The following SAMD3 variants were observed in gnomAD, a reference collection of about 807,000 sequenced individuals.
SAMD3 encodes sterile alpha motif domain containing 3, also known as sterile alpha motif domain-containing protein 3.
In SAMD3, 63 loss-of-function variants were observed where a neutral mutation model predicts 58.5. The observed-to-expected ratio is 1.08, with a 90% CI of 0.88 to 1.33. The LOEUF is 1.33. Ranked by LOEUF, SAMD3 falls within the 40% of genes most tolerant of loss-of-function variation. The pLI is 0.00. For synonymous variants in SAMD3, 220 were observed against 210.3 expected (o/e 1.05, Z -0.40); for missense variants, 604 against 608.4 (o/e 0.99, Z 0.08).
intron 1 of SAMD3, among the ~76,000 whole-genome samples, chr6:130,337,478 T>C (rs1777135378): frequency 6.6e-6 from 1 of 152,216 alleles, no homozygotes; most frequent in African/African-American, 2.4e-5. Flanking sequence ...TATAGTAAAT[T>C]GGTACTGGGA....
chr6:130,172,697 C>A (rs1389911389), intron 8 of SAMD3, among the ~76,000 whole-genome samples: 1 of 152,088 alleles, frequency 6.6e-6, no homozygotes, highest in Admixed American at 6.5e-5. Context: ...GGTTGCTCTT[C>A]TTGAGGAGTA....
intron 8 of SAMD3, among the ~76,000 whole-genome samples, chr6:130,168,589 C>G (rs1211289129): frequency 6.6e-6 from 1 of 152,122 alleles, no homozygotes; most frequent in Non-Finnish European, 1.5e-5. Flanking sequence ...TTATCCCTTC[C>G]CAAGATCTTC....
At chr6:130,160,206 A>G (rs932484368) in intron 8 of SAMD3, 7 of 152,356 alleles carry the variant, frequency 4.6e-5, no homozygotes, top group East Asian at 3.9e-4. Flanking sequence ...ATAGTTCATA[A>G]CAGCCAACAC....
chr6:130,339,636 T>G (rs1392585225), intron 1 of SAMD3, among the ~76,000 whole-genome samples: 1 of 152,220 alleles, frequency 6.6e-6, no homozygotes, highest in Non-Finnish European at 1.5e-5. Context: ...CTTTTCTTTA[T>G]AAGTTATCCA....
intron 2 of SAMD3, among the ~76,000 whole-genome samples, chr6:130,262,567 G>A (rs911920105): frequency 2.7e-5 from 4 of 148,486 alleles, no homozygotes; most frequent in Non-Finnish European, 4.4e-5. Flanking sequence ...ATGATGGATG[G>A]TTCCTCCCAG....
chr6:130,215,361 ACAGT>A lies in SAMD3; in HGVS notation c.-21-71_-21-68del. 16 of 1,291,810 alleles carry A rather than the reference ACAGT, an allele frequency of 1.2e-5. No individual in the cohort carries two copies. The South Asian group carries it at 2.3e-4, about 18-fold the overall frequency. 80.0% of individuals were successfully genotyped at this position (1,291,810 alleles called of 1,614,324 possible). On this transcript the variant is annotated intron_variant, in intron 2 of 11. Coordinates refer to ENST00000439090, the MANE Select transcript of SAMD3 (RefSeq NM_001017373.4). Reference sequence around the variant, plus strand: ...TGATTGTGCCTTAATTTTTTTTTTAACAGTCAGCCGCTTCCTTTGCTAGACTCCT... The same window carrying A: ...TGATTGTGCCTTAATTTTTTTTTTAACAGCCGCTTCCTTTGCTAGACTCCT...
In SAMD3 at chr6:130,154,873, A is replaced by T. The variant is rs1789634637; in HGVS notation, c.975T>A (p.Pro325=). 6.2e-7 allele frequency: 1 copy of T among 1,613,206 alleles called. No individual in the cohort carries two copies. The highest frequency in any genetic ancestry group is 1.1e-5 in the South Asian group (1 of 91,066). ...IRRKMIGSRT[P]LKDILKLFPF... is the part of the protein sequence containing the mutation. ...GAAACAGTTTAAGAATGTCCTTCAG[A>T]GGTGTTCGGCTGCCAATCATCTTTC... The change falls in exon 9 of 12, where the codon CCT becomes CCA. Residue 325 remains proline, a synonymous_variant. Coordinates refer to ENST00000439090, the MANE Select transcript of SAMD3 (RefSeq NM_001017373.4).
At position 130,293,463 on chromosome 6, in the gene SAMD3, T is replaced by G. The variant is rs112889455; in HGVS notation, c.-188+19515A>C. ...ATTGCCTCTTTCCTTTAGACAAAGA[T>G]CGAAATAATGTTATTATCTAAAATA... On this transcript the variant is annotated intron_variant, in intron 2 of 13. Coordinates refer to the SAMD3 transcript ENST00000368134. Among the ~76,000 whole-genome samples, 1,395 of 152,154 alleles carry G rather than the reference T, an allele frequency of 9.2e-3. 18 individuals carry two copies. Among genetic ancestry groups the G allele is most frequent in the African/African-American group, 0.032 (1,332 of 41,526 alleles).
At chr6:130,196,959 C>A (rs1253091275) in intron 5 of SAMD3, among the ~76,000 whole-genome samples, 1 of 152,142 alleles carries the variant, frequency 6.6e-6, no homozygotes, top group Admixed American at 6.6e-5. Flanking sequence ...TCAAATCAGC[C>A]AAGCAGTTTT....
upstream of SAMD3, among the ~76,000 whole-genome samples, chr6:130,224,549 C>T (rs549087884): frequency 1.3e-5 from 2 of 151,606 alleles, no homozygotes; most frequent in Non-Finnish European, 2.9e-5. Context: ...TGAGGACGGG[C>T]CAGAATGTTC....
intron 2 of SAMD3, among the ~76,000 whole-genome samples, chr6:130,294,896 A>T (rs1269073792): frequency 8.0e-6 from 1 of 125,218 alleles, no homozygotes; most frequent in African/African-American, 3.0e-5. Context: ...TAATTTTTCC[A>T]TACATTTCTC....
chr6:130,150,609 T>C (rs1582715780), intron 9 of SAMD3, among the ~76,000 whole-genome samples: 1 of 152,180 alleles, frequency 6.6e-6, no homozygotes. Flanking sequence ...GCTAAGGTCC[T>C]GGCTCAAACT....
rs774036634 is a variant in SAMD3, at chr6:130,294,909, A to ATTTTTTTTTTTTTTTTTTTTTTTT, written c.-188+18045_-188+18068dup. Among the ~76,000 whole-genome samples the ATTTTTTTTTTTTTTTTTTTTTTTT allele has an allele frequency of 3.6e-5, 2 of 56,170 alleles. 1 individual carries two copies. The highest frequency in any genetic ancestry group is 6.6e-5 in the Non-Finnish European group (2 of 30,220). 36.8% of individuals were successfully genotyped at this position (56,170 alleles called of 152,430 possible). A position where few individuals can be genotyped will look rare whatever the true frequency, so the allele number is the denominator to read the frequency against. On this transcript the variant is annotated intron_variant, in intron 2 of 13. Transcript: ENST00000368134. ...TCTAATTTTTCCATACATTTCTCTGATTTTTTTTTTTTTTTTTTTTTTTTT... is the reference window on the plus strand; with the variant it reads ...TCTAATTTTTCCATACATTTCTCTGATTTTTTTTTTTTTTTTTTTTTTTTTTTTTTTTTTTTTTTTTTTTTTTTT...
At chr6:130,353,736 A>G (rs904516482) in intron 1 of SAMD3, among the ~76,000 whole-genome samples, 1 of 152,208 alleles carries the variant, frequency 6.6e-6, no homozygotes, top group African/African-American at 2.4e-5. Flanking sequence ...GACCAGAAGG[A>G]AAGATCAAAC....
chr6:130,285,754 T>G (rs1364712817), intron 2 of SAMD3, among the ~76,000 whole-genome samples: 4 of 152,258 alleles, frequency 2.6e-5, no homozygotes, highest in African/African-American at 9.6e-5. Flanking sequence ...AAGTCCATCT[T>G]ATTCCCAGTT....
At chr6:130,222,506 T>G (rs980978866) in intron 1 of SAMD3, among the ~76,000 whole-genome samples, 188 bp downstream of exon 1, 2 of 152,176 alleles carry the variant, frequency 1.3e-5, no homozygotes, top group Non-Finnish European at 2.9e-5. Context: ...AAAAGTAGAA[T>G]GAAATGCTTG....
intron 8 of SAMD3, among the ~76,000 whole-genome samples, chr6:130,168,593 G>A: frequency 6.6e-6 from 1 of 152,204 alleles, no homozygotes; most frequent in Middle Eastern, 3.4e-3. Flanking sequence ...CCCTTCCCAA[G>A]ATCTTCCTCC....
intron 2 of SAMD3, among the ~76,000 whole-genome samples, chr6:130,288,581 A>C (rs1562500994): frequency 6.6e-6 from 1 of 152,242 alleles, no homozygotes; most frequent in Non-Finnish European, 1.5e-5. Flanking sequence ...GACAGGTGAA[A>C]GTTCGGCTTT....
At chr6:130,319,086 C>T (rs1462689647) in intron 1 of SAMD3, among the ~76,000 whole-genome samples, 3 of 151,764 alleles carry the variant, frequency 2.0e-5, no homozygotes, top group Admixed American at 6.6e-5. Flanking sequence ...AGAAATTATC[C>T]CAAATGAAAC....
Sources: allele counts gnomAD v4.1 joint callset (sites outside exome capture counted in the v4.1 genomes callset), GRCh38; gene constraint gnomAD v4.1.1; transcripts MANE v1.5; gene names NCBI Gene and HGNC (gene_info 2026-07-23, HGNC 2026-07-21).